Variants in SPON1 observed in about 807,000 individuals in gnomAD.
SPON1 encodes the protein spondin 1, also known as spondin-1.
Under a neutral mutation model 111.7 loss-of-function variants are expected in SPON1, and 52 were observed. The observed-to-expected ratio is 0.47, with a 90% CI of 0.37 to 0.59. The LOEUF (loss-of-function observed/expected upper bound fraction) is 0.59, where lower values mean the gene tolerates loss of function less well. SPON1 is among the 20% of genes least tolerant of loss of function. The pLI is 0.00. For synonymous variants in SPON1, 410 were observed against 395.8 expected (o/e 1.04, Z -0.43); for missense variants, 957 against 1,068.5 (o/e 0.90, Z 1.46).
intron 3 of SPON1, among the ~76,000 whole-genome samples, chr11:14,044,753 C>T (rs1848655896): frequency 6.6e-6 from 1 of 152,192 alleles, no homozygotes; most frequent in African/African-American, 2.4e-5. Context: ...CATAAAAGCA[C>T]ATAGTTTCAT....
chr11:14,186,059 G>C (rs1387544269), intron 6 of SPON1, among the ~76,000 whole-genome samples: 1 of 152,162 alleles, frequency 6.6e-6, no homozygotes, highest in Non-Finnish European at 1.5e-5. Flanking sequence ...ACCTATATAG[G>C]CCTGATGATT....
At chr11:14,091,474 C>T (rs932462085) in intron 5 of SPON1, among the ~76,000 whole-genome samples, 8 of 152,314 alleles carry the variant, frequency 5.3e-5, no homozygotes, top group East Asian at 1.9e-4. Context: ...CCCTGCCCCG[C>T]GGGAAGGCAG....
At position 14,016,203 on chromosome 11, in the gene SPON1, T is replaced by C. The variant is rs1210508560; in HGVS notation, c.346-25318T>C. ...CTCCTTTCTTTCCTTCCTTTCTCAGTGTTTACTATTTGTGGGAGCATGTAC... is the reference window on the plus strand; with the variant it reads ...CTCCTTTCTTTCCTTCCTTTCTCAGCGTTTACTATTTGTGGGAGCATGTAC... On this transcript the variant is annotated intron_variant, in intron 2 of 15. Coordinates refer to ENST00000576479, the MANE Select transcript of SPON1 (RefSeq NM_006108.4). 3.3e-5 allele frequency among the ~76,000 whole-genome samples: 5 copies of C among 152,242 alleles called. No individual in the cohort carries two copies. In the East Asian group the frequency reaches 9.6e-4, roughly 29 times the overall value.
At chr11:14,260,887 A>T in intron 14 of SPON1, 135 bp downstream of exon 14, 1 of 918,150 alleles carries the variant, frequency 1.1e-6, no homozygotes, top group East Asian at 2.7e-5. Flanking sequence ...TTTGGCTTTC[A>T]GTGTTTGCAG....
At chr11:14,181,715 A>C (rs1225793766) in intron 6 of SPON1, among the ~76,000 whole-genome samples, 1 of 152,204 alleles carries the variant, frequency 6.6e-6, no homozygotes. Context: ...AACAGGGAGA[A>C]GAATGACAAG....
intron 6 of SPON1, among the ~76,000 whole-genome samples, chr11:14,190,980 AG>A (rs1554934495): frequency 8.5e-5 from 13 of 152,156 alleles, no homozygotes; most frequent in African/African-American, 2.9e-4. Context: ...AAAACAAAAA[AG>A]AAAAAAGCAC....
chr11:14,168,410 A>G (rs1848056219), intron 6 of SPON1, among the ~76,000 whole-genome samples: 1 of 152,216 alleles, frequency 6.6e-6, no homozygotes, highest in African/African-American at 2.4e-5. Flanking sequence ...GCTTTTTCTA[A>G]GCCAATTAAT....
chr11:13,982,706 T>C (rs1391650929), intron 1 of SPON1, 141 bp from the exon 2 acceptor site: 10 of 628,164 alleles, frequency 1.6e-5, no homozygotes, highest in Non-Finnish European at 1.4e-5. Context: ...CTCACCTCAA[T>C]GGATGAAGGC....
chr11:14,169,358 T>G (rs1848069596), intron 6 of SPON1, among the ~76,000 whole-genome samples: 1 of 152,124 alleles, frequency 6.6e-6, no homozygotes, highest in Non-Finnish European at 1.5e-5. Flanking sequence ...TTTTTTTTTC[T>G]TGTAAATTTG....
intron 15 of SPON1, 147 bp downstream of exon 15, chr11:14,263,122 T>C: frequency 3.7e-6 from 3 of 816,872 alleles, no homozygotes; most frequent in Non-Finnish European, 5.5e-6. Context: ...ACATTTTGAT[T>C]CTTTAGATCC....
chr11:14,200,211 G>A (rs1048260142), intron 6 of SPON1, among the ~76,000 whole-genome samples: 24 of 152,162 alleles, frequency 1.6e-4, no homozygotes, highest in African/African-American at 5.8e-4. Context: ...GAGTGTTCAA[G>A]TTTATAGCTT....
At chr11:14,128,662 G>T (rs1239430789) in intron 5 of SPON1, among the ~76,000 whole-genome samples, 1 of 152,234 alleles carries the variant, frequency 6.6e-6, no homozygotes, top group South Asian at 2.1e-4. Flanking sequence ...CAGTGTCCCA[G>T]TGGGGACTCT....
chr11:13,969,215 CA>C (rs3047401), intron 1 of SPON1, among the ~76,000 whole-genome samples: 28,139 of 106,304 alleles, frequency 0.26, 2,784 homozygotes, highest in South Asian at 0.4. Flanking sequence ...CCCATCTCTA[CA>C]AAAAAAAAAA....
intron 6 of SPON1, among the ~76,000 whole-genome samples, chr11:14,224,511 G>A (rs1848715927): frequency 6.6e-6 from 1 of 152,208 alleles, no homozygotes; most frequent in South Asian, 2.1e-4. Context: ...CCTGGGTTCA[G>A]AGGCTGGTTC....
At chr11:14,187,540 T>C (rs1311892481) in intron 6 of SPON1, among the ~76,000 whole-genome samples, 2 of 152,166 alleles carry the variant, frequency 1.3e-5, no homozygotes, top group African/African-American at 4.8e-5. Flanking sequence ...AATCCTTGGG[T>C]AGCAAGGACA....
At chr11:14,078,266 T>C (rs1201194486) in intron 4 of SPON1, among the ~76,000 whole-genome samples, 1 of 152,230 alleles carries the variant, frequency 6.6e-6, no homozygotes, top group African/African-American at 2.4e-5. Flanking sequence ...ATGCATTCCT[T>C]TGAACCCTCA....
intron 4 of SPON1, among the ~76,000 whole-genome samples, chr11:14,078,692 C>T (rs868948238): frequency 5.8e-4 from 89 of 152,280 alleles, no homozygotes; most frequent in Middle Eastern, 3.4e-3. Context: ...CTTCAATTTA[C>T]TGACCTGTAA....
At chr11:14,216,660 A>G (rs782066846) in intron 6 of SPON1, among the ~76,000 whole-genome samples, 3 of 152,206 alleles carry the variant, frequency 2.0e-5, no homozygotes, top group Non-Finnish European at 4.4e-5. Flanking sequence ...ACATAGAGGC[A>G]CCAGGGGCTG....
chr11:14,058,348 C>T (rs1848763311), intron 3 of SPON1, among the ~76,000 whole-genome samples: 1 of 152,054 alleles, frequency 6.6e-6, no homozygotes, highest in Non-Finnish European at 1.5e-5. Context: ...ACCGGAGACT[C>T]GCAGAGTGGT....
Sources: gnomAD v4.1 joint callset for allele counts (sites outside exome capture counted in the v4.1 genomes callset) on GRCh38, gnomAD v4.1.1 for gene constraint, MANE v1.5 for transcripts, NCBI Gene and HGNC (gene_info 2026-07-23, HGNC 2026-07-21) for gene names.